SMYD3: variants seen among roughly 807,000 people sequenced by gnomAD.
SMYD3 encodes the protein histone-lysine N-methyltransferase SMYD3.
A neutral mutation model predicts 57.7 loss-of-function variants in SMYD3; 36 were observed. That is an observed-to-expected ratio of 0.62 (90% CI 0.48 to 0.82). The LOEUF (loss-of-function observed/expected upper bound fraction) is 0.82. Ranked by LOEUF, SMYD3 falls within the 40% of genes least tolerant of loss-of-function variation. The pLI, the probability that SMYD3 is intolerant of heterozygous loss-of-function variation, is 0.00. For missense variants in SMYD3, 515 were observed against 538.8 expected (o/e 0.96, Z 0.44); for synonymous variants, 211 against 195.0 (o/e 1.08, Z -0.68).
chr1:246,216,529 T>C (rs1463579941), intron 5 of SMYD3, among the ~76,000 whole-genome samples: 3 of 152,146 alleles, frequency 2.0e-5, no homozygotes, highest in Non-Finnish European at 4.4e-5. Context: ...GAATTGTTAC[T>C]AATTGTCTAA....
intron 10 of SMYD3, among the ~76,000 whole-genome samples, chr1:245,824,792 G>A (rs1317797383): frequency 6.6e-6 from 1 of 150,416 alleles, no homozygotes. Context: ...GGAGATGGAG[G>A]TTGCAGTGGG....
At chr1:246,348,077 T>TATATACAC in intron 2 of SMYD3, among the ~76,000 whole-genome samples, 5 of 86,486 alleles carry the variant, frequency 5.8e-5, no homozygotes, top group Non-Finnish European at 1.0e-4. Context: ...TATATATATA[T>TATATACAC]ACACACACAC....
At position 245,776,582 on chromosome 1, in the gene SMYD3, GGT is replaced by G. The variant is rs1406900817; in HGVS notation, c.1077-12435_1077-12434del. 4.6e-5 allele frequency among the ~76,000 whole-genome samples: 7 copies of G among 152,142 alleles called. No individual in the cohort carries two copies. The East Asian group carries it at 1.3e-3, about 29-fold the overall frequency. On this transcript the variant is annotated intron_variant, in intron 10 of 11. Coordinates refer to ENST00000490107, the MANE Select transcript of SMYD3 (RefSeq NM_001167740.2). ...TGACATAGATTTCAGTAGTGTTACT[GGT>G]ACTTTATTGAAATCAATCACTACAG...
At chr1:245,870,377 G>A (rs142827703) in intron 8 of SMYD3, among the ~76,000 whole-genome samples, 101 of 152,220 alleles carry the variant, frequency 6.6e-4, no homozygotes, top group South Asian at 1.7e-3. Flanking sequence ...CGCCGGCTCC[G>A]GACCCACGCT....
intron 8 of SMYD3, among the ~76,000 whole-genome samples, chr1:245,866,945 A>C (rs900956983): frequency 6.6e-6 from 1 of 152,198 alleles, no homozygotes; most frequent in Non-Finnish European, 1.5e-5. Context: ...TGGCAGCTTA[A>C]ACCCTAGATC....
chr1:246,226,773 G>C (rs1037317718), intron 5 of SMYD3, among the ~76,000 whole-genome samples: 15 of 152,086 alleles, frequency 9.9e-5, no homozygotes, highest in African/African-American at 3.6e-4. Flanking sequence ...ACTAACCTCT[G>C]AATAAAGTGG....
chr1:245,770,061 A>C (rs2046274423), intron 10 of SMYD3, among the ~76,000 whole-genome samples: 1 of 152,242 alleles, frequency 6.6e-6, no homozygotes, highest in Admixed American at 6.5e-5. Flanking sequence ...GCAATGGTGG[A>C]GTAGCTTATT....
At chr1:245,886,352 G>T (rs1409257775) in intron 8 of SMYD3, among the ~76,000 whole-genome samples, 1 of 152,026 alleles carries the variant, frequency 6.6e-6, no homozygotes, top group African/African-American at 2.4e-5. Context: ...GTCTGAAAAC[G>T]GCTTGTCAAC....
In SMYD3 at chr1:246,481,617, T is replaced by C. The variant is rs866869689; in HGVS notation, c.164+25437A>G. Among the ~76,000 whole-genome samples, 922 of 104,510 alleles carry C rather than the reference T, an allele frequency of 8.8e-3. 34 individuals carry two copies. The highest frequency in any genetic ancestry group is 0.043 in the African/African-American group (864 of 19,984). 68.6% of individuals were successfully genotyped at this position (104,510 alleles called of 152,430 possible). ...CCATATATATATATATACACATACA[T>C]ATATACATACATACATACACATATT... is the stretch of plus-strand genomic sequence containing the variant. On this transcript the variant is annotated intron_variant, in intron 1 of 11. Transcript: ENST00000490107.
chr1:246,314,562 A>G (rs1194659482), intron 5 of SMYD3, among the ~76,000 whole-genome samples: 1 of 152,234 alleles, frequency 6.6e-6, no homozygotes, highest in Admixed American at 6.5e-5. Context: ...CTTGTGATCA[A>G]TCCGCCAATT....
intron 5 of SMYD3, among the ~76,000 whole-genome samples, chr1:245,943,589 T>C (rs1406545014): frequency 6.6e-6 from 1 of 152,078 alleles, no homozygotes; most frequent in African/African-American, 2.4e-5. Context: ...CTGAAACTAT[T>C]CCAAACAATT....
intron 5 of SMYD3, among the ~76,000 whole-genome samples, chr1:245,985,407 A>G (rs2058684392): frequency 6.6e-6 from 1 of 152,192 alleles, no homozygotes; most frequent in South Asian, 2.1e-4. Context: ...AAGTGAACCC[A>G]TTAATTTCTA....
chr1:245,882,383 G>T (rs182489125), intron 8 of SMYD3, among the ~76,000 whole-genome samples: 4 of 152,214 alleles, frequency 2.6e-5, no homozygotes, highest in African/African-American at 9.6e-5. Flanking sequence ...TTATGTATTC[G>T]CAGCTCCCTA....
chr1:246,421,625 T>C (rs2067144094), intron 1 of SMYD3, among the ~76,000 whole-genome samples: 1 of 152,038 alleles, frequency 6.6e-6, no homozygotes, highest in Admixed American at 6.6e-5. Context: ...CTAAAAACCA[T>C]CTACAATAAT....
At chr1:245,837,952 C>T (rs1179091285) in intron 10 of SMYD3, among the ~76,000 whole-genome samples, 1 of 152,208 alleles carries the variant, frequency 6.6e-6, no homozygotes. Flanking sequence ...ATGTGTGATT[C>T]ACCTCTGCAG....
intron 5 of SMYD3, among the ~76,000 whole-genome samples, chr1:246,251,287 A>G (rs2063793881): frequency 1.3e-5 from 2 of 152,366 alleles, no homozygotes; most frequent in Middle Eastern, 3.4e-3. Context: ...GGCTTCAAAT[A>G]GCAGTGACTT....
intron 5 of SMYD3, among the ~76,000 whole-genome samples, chr1:246,219,042 T>C (rs1244585409): frequency 6.6e-6 from 1 of 152,146 alleles, no homozygotes; most frequent in Non-Finnish European, 1.5e-5. Context: ...TAGGTTGGGC[T>C]TAATTTAACT....
chr1:245,921,564 TATATATAC>T (rs1427302476), intron 7 of SMYD3, among the ~76,000 whole-genome samples: 3 of 148,792 alleles, frequency 2.0e-5, no homozygotes, highest in African/African-American at 5.0e-5. Context: ...TATATATATA[TATATATAC>T]ACATACCATG....
chr1:246,061,136 C>T (rs12132524), intron 5 of SMYD3, among the ~76,000 whole-genome samples: 37,431 of 151,800 alleles, frequency 0.25, 5,189 homozygotes, highest in East Asian at 0.39. Context: ...GGCAGGAGAA[C>T]GGCATGAACC....
Sources: allele counts gnomAD v4.1 joint callset (sites outside exome capture counted in the v4.1 genomes callset), GRCh38; gene constraint gnomAD v4.1.1; transcripts MANE v1.5; gene names NCBI Gene and HGNC (gene_info 2026-07-23, HGNC 2026-07-21).